The following DNM3 variants were observed in gnomAD, a reference collection of about 807,000 sequenced individuals.
The protein encoded by DNM3 is dynamin 3.
In DNM3, 47 loss-of-function variants were observed where a neutral mutation model predicts 101.6. The ratio of observed to expected loss-of-function variants is 0.46; its 90% CI spans 0.37 to 0.59. The LOEUF is 0.59. Ranked by LOEUF, DNM3 falls within the 20% of genes least tolerant of loss-of-function variation. DNM3 has a pLI of 0.00. For missense variants in DNM3, 849 were observed against 1,085.7 expected, an observed-to-expected ratio of 0.78 and a Z score of 3.06; for synonymous variants, 385 against 387.9, an observed-to-expected ratio of 0.99 and a Z score of 0.09.
At chr1:172,303,830 G>A (rs1008483431) in intron 15 of DNM3, among the ~76,000 whole-genome samples, 3 of 152,122 alleles carry the variant, frequency 2.0e-5, no homozygotes, top group Non-Finnish European at 2.9e-5. Context: ...AGCAAATGCT[G>A]AGAGATTTTG....
At chr1:172,071,630 G>GAA (rs138206327) in intron 11 of DNM3, among the ~76,000 whole-genome samples, 26 of 151,214 alleles carry the variant, frequency 1.7e-4, no homozygotes, top group South Asian at 4.2e-4. Flanking sequence ...AGCTTTGTGG[G>GAA]AAAAAAAAAT....
intron 14 of DNM3, among the ~76,000 whole-genome samples, chr1:172,235,809 T>C (rs1021923185): frequency 1.3e-5 from 2 of 151,596 alleles, no homozygotes; most frequent in Non-Finnish European, 2.9e-5. Flanking sequence ...AACACTTGGA[T>C]ACAGGAAGGG....
At chr1:172,098,979 T>C (rs2054445702) in intron 13 of DNM3, among the ~76,000 whole-genome samples, 1 of 152,214 alleles carries the variant, frequency 6.6e-6, no homozygotes, top group Non-Finnish European at 1.5e-5. Context: ...ACGAATTCTC[T>C]TGGCCTTGTA....
intron 2 of DNM3, among the ~76,000 whole-genome samples, chr1:171,961,261 G>A (rs1256612710): frequency 6.6e-6 from 1 of 152,138 alleles, no homozygotes; most frequent in African/African-American, 2.4e-5. Context: ...TCCAGCCTGG[G>A]TAGAAAGGAA....
At position 172,278,600 on chromosome 1, in the gene DNM3, C is replaced by T. The variant is rs116556483; in HGVS notation, c.1769+24918C>T. Among the ~76,000 whole-genome samples the T allele has an allele frequency of 4.8e-3, 725 of 152,194 alleles. 3 individuals carry two copies. The highest frequency in any genetic ancestry group is 0.016 in the African/African-American group (685 of 41,520). ...TCACTATACATTTTTTGCCATGCCA[C>T]TGGGGAGAAGGCAAGTGTGTGATTC... On this transcript the variant is annotated intron_variant, in intron 15 of 20. Coordinates refer to ENST00000627582, the MANE Select transcript of DNM3 (RefSeq NM_015569.5).
chr1:172,041,960 C>A, intron 7 of DNM3, 49 bp from the exon 8 acceptor site: 1 of 1,532,708 alleles, frequency 6.5e-7, no homozygotes, highest in Non-Finnish European at 8.7e-7. Flanking sequence ...ATGAAGAGTG[C>A]AAAGGCTTGT....
chr1:172,079,104 G>C (rs555124255), intron 11 of DNM3, among the ~76,000 whole-genome samples: 1 of 152,158 alleles, frequency 6.6e-6, no homozygotes, highest in Non-Finnish European at 1.5e-5. Context: ...TCTTGGGGTT[G>C]CTCTTCTTGA....
intron 17 of DNM3, among the ~76,000 whole-genome samples, chr1:172,341,152 T>C (rs1387607684): frequency 6.6e-6 from 1 of 151,936 alleles, no homozygotes; most frequent in Non-Finnish European, 1.5e-5. Context: ...ACAAAAAGAA[T>C]AAAATACCTA....
intron 15 of DNM3, among the ~76,000 whole-genome samples, chr1:172,263,973 A>G (rs1249120188): frequency 2.0e-5 from 3 of 152,218 alleles, no homozygotes; most frequent in Non-Finnish European, 4.4e-5. Flanking sequence ...AATGAGTTAT[A>G]GTGTGTAAGG....
chr1:171,941,009 A>C (rs940066157), intron 2 of DNM3, among the ~76,000 whole-genome samples: 1 of 152,186 alleles, frequency 6.6e-6, no homozygotes, highest in African/African-American at 2.4e-5. Context: ...TTTGCTTTAA[A>C]ATAAAATTTT....
chr1:172,192,307 G>T (rs1280258473), intron 14 of DNM3, among the ~76,000 whole-genome samples: 1 of 151,244 alleles, frequency 6.6e-6, no homozygotes, highest in African/African-American at 2.4e-5. Flanking sequence ...TTATTGATTT[G>T]CATATGTTGA....
At chr1:171,986,333 T>C (rs2125609401) in intron 2 of DNM3, among the ~76,000 whole-genome samples, 2 of 152,300 alleles carry the variant, frequency 1.3e-5, no homozygotes, top group South Asian at 4.2e-4. Context: ...AGTGGTCTAA[T>C]CCTTAGCTTT....
chr1:172,133,077 A>C, intron 14 of DNM3: 1 of 1,444,526 alleles, frequency 6.9e-7, no homozygotes, highest in East Asian at 2.5e-5. Context: ...TATGAAGATG[A>C]ATTCCAGGCA....
intron 16 of DNM3, among the ~76,000 whole-genome samples, chr1:172,311,656 C>T (rs929753253): frequency 6.6e-6 from 1 of 152,148 alleles, no homozygotes. Flanking sequence ...CCTAGAAAAT[C>T]AAAGTTATCC....
At chr1:172,137,688 T>A (rs1244730969) in intron 14 of DNM3, 1 of 152,196 alleles carries the variant, frequency 6.6e-6, no homozygotes, top group Non-Finnish European at 1.5e-5. Flanking sequence ...TTACATTTTT[T>A]AAGCTTGACC....
intron 14 of DNM3, among the ~76,000 whole-genome samples, chr1:172,230,391 T>C (rs1185312852): frequency 6.6e-6 from 1 of 152,216 alleles, no homozygotes; most frequent in African/African-American, 2.4e-5. Context: ...GGACTCTCCC[T>C]ACCTCCTTAC....
In DNM3 at chr1:172,000,205, C is replaced by T. The variant is rs185721831; in HGVS notation, c.589+11057C>T. Among the ~76,000 whole-genome samples, 128 of 152,020 alleles carry T rather than the reference C, an allele frequency of 8.4e-4. No individual in the cohort carries two copies. The Middle Eastern group carries it at 0.01, about 12-fold the overall frequency. On this transcript the variant is annotated intron_variant, in intron 4 of 20. Coordinates refer to ENST00000627582, the MANE Select transcript of DNM3 (RefSeq NM_015569.5). ...GAAAATAGCAGAGGTGATGAAGAAGCGGTAGAGAATCAAGTGACTGTGGCA... is the reference window on the plus strand; with the variant it reads ...GAAAATAGCAGAGGTGATGAAGAAGTGGTAGAGAATCAAGTGACTGTGGCA...
chr1:172,408,316 A>C lies in DNM3; in HGVS notation c.*475A>C, dbSNP rs1284111538. ...CTACCTACTCCATAATTGCCTATTT[A>C]GCTCCTCTTTTCTTCCTTTTTATTT... On this transcript the variant is annotated 3_prime_UTR_variant, in exon 21 of 21. Coordinates refer to ENST00000627582, the MANE Select transcript of DNM3 (RefSeq NM_015569.5). 1 of 986,412 alleles carries C rather than the reference A, an allele frequency of 1.0e-6. No homozygotes were observed. The highest frequency in any genetic ancestry group is 1.2e-6 in the Non-Finnish European group (1 of 830,686). The allele number at this position is 986,412 out of a possible 1,614,324, so 61.1% of individuals were successfully genotyped here. A position where few individuals can be genotyped will look rare whatever the true frequency, so the allele number is the denominator to read the frequency against.
At chr1:172,040,853 G>A (rs1187346628) in intron 7 of DNM3, among the ~76,000 whole-genome samples, 1 of 152,112 alleles carries the variant, frequency 6.6e-6, no homozygotes, top group African/African-American at 2.4e-5. Flanking sequence ...AGAAAGAAAA[G>A]TGTAAAAGCA....
Sources: gnomAD v4.1 joint callset for allele counts (sites outside exome capture counted in the v4.1 genomes callset) on GRCh38, gnomAD v4.1.1 for gene constraint, MANE v1.5 for transcripts, NCBI Gene and HGNC (gene_info 2026-07-23, HGNC 2026-07-21) for gene names.